The following EXOC2 variants were observed in gnomAD, a reference collection of about 807,000 sequenced individuals.
EXOC2 encodes the protein SEC5-like 1.
Under a neutral mutation model 131.8 loss-of-function variants are expected in EXOC2, and 70 were observed. That is an observed-to-expected ratio of 0.53 (90% CI 0.44 to 0.65). The LOEUF (loss-of-function observed/expected upper bound fraction) is 0.65, where lower values mean the gene tolerates loss of function less well. Among genes scored for constraint, EXOC2 ranks in the 30% least tolerant of loss-of-function variants. The probability of loss-of-function intolerance (pLI) is 0.00; values close to 1 mark genes in which losing one functional copy is unlikely to be tolerated. For synonymous variants in EXOC2, 411 were observed against 398.4 expected, an observed-to-expected ratio of 1.03 and a Z score of -0.38; for missense variants, 923 against 1,108.6, an observed-to-expected ratio of 0.83 and a Z score of 2.38.
intron 1 of EXOC2, chr6:656,939 C>T (rs1417945291): frequency 6.6e-7 from 1 of 1,519,790 alleles, no homozygotes; most frequent in South Asian, 1.3e-5. Flanking sequence ...TGGCGCGAAA[C>T]TTCATGATGC....
At chr6:615,933 C>T (rs1150854) in intron 6 of EXOC2, among the ~76,000 whole-genome samples, 142,791 of 152,316 alleles carry the variant, frequency 0.94, 66,991 homozygotes, top group East Asian at 1. Flanking sequence ...CAATTATTGC[C>T]AATTTGGTTA....
chr6:690,550 AAAGT>A (rs1334736596), intron 1 of EXOC2, among the ~76,000 whole-genome samples: 2 of 151,894 alleles, frequency 1.3e-5, no homozygotes, highest in African/African-American at 4.8e-5. Flanking sequence ...AAAAATACAA[AAAGT>A]TAGTCGGGCG....
intron 6 of EXOC2, among the ~76,000 whole-genome samples, chr6:614,257 G>A (rs1760864192): frequency 6.6e-6 from 1 of 152,142 alleles, no homozygotes; most frequent in African/African-American, 2.4e-5. Flanking sequence ...CTGATCTGAG[G>A]GAATGAAGAT....
At chr6:591,899 T>C (rs1150842) in intron 11 of EXOC2, among the ~76,000 whole-genome samples, 13,623 of 152,260 alleles carry the variant, frequency 0.089, 1,043 homozygotes, top group African/African-American at 0.21. Flanking sequence ...CTGAGATGGC[T>C]AGTAAGCTAC....
chr6:682,777 T>G (rs562903359), intron 1 of EXOC2, among the ~76,000 whole-genome samples: 35 of 152,274 alleles, frequency 2.3e-4, no homozygotes, highest in Admixed American at 7.2e-4. Flanking sequence ...TCTCCGGGTG[T>G]GATGAAACTG....
At chr6:555,612 A>G (rs1757377418) in intron 19 of EXOC2, among the ~76,000 whole-genome samples, 1 of 152,204 alleles carries the variant, frequency 6.6e-6, no homozygotes. Flanking sequence ...GTGCCTGCAA[A>G]GCACTGGTCC....
intron 26 of EXOC2, among the ~76,000 whole-genome samples, chr6:489,486 C>A (rs1232278649): frequency 6.6e-6 from 1 of 152,130 alleles, no homozygotes; most frequent in Non-Finnish European, 1.5e-5. Context: ...CAGCCAATGT[C>A]TTGTAATAAT....
At chr6:679,980 G>GA (rs1163445609) in intron 1 of EXOC2, among the ~76,000 whole-genome samples, 2 of 151,984 alleles carry the variant, frequency 1.3e-5, no homozygotes, top group African/African-American at 4.8e-5. Flanking sequence ...AAAGAGGTGG[G>GA]ATTCAAAACC....
At chr6:503,624 T>C (rs1764354442) in intron 23 of EXOC2, among the ~76,000 whole-genome samples, 1 of 152,146 alleles carries the variant, frequency 6.6e-6, no homozygotes, top group African/African-American at 2.4e-5. Flanking sequence ...TTTAAAATAA[T>C]TTGTTATATG....
chr6:504,439 C>A (rs1276212759), intron 23 of EXOC2, among the ~76,000 whole-genome samples: 2 of 152,228 alleles, frequency 1.3e-5, no homozygotes, highest in African/African-American at 4.8e-5. Flanking sequence ...TTTTTGGTGA[C>A]AGAACCTTTT....
intron 11 of EXOC2, among the ~76,000 whole-genome samples, chr6:584,090 A>G (rs1759069226): frequency 6.6e-6 from 1 of 152,236 alleles, no homozygotes; most frequent in Non-Finnish European, 1.5e-5. Flanking sequence ...TTAAAATGAT[A>G]ATTTTATTAA....
At chr6:683,749 C>T (rs915045098) in intron 1 of EXOC2, among the ~76,000 whole-genome samples, 3 of 152,226 alleles carry the variant, frequency 2.0e-5, no homozygotes, top group African/African-American at 7.2e-5. Context: ...ACAAATTCTG[C>T]TTTCCTTCTC....
At chr6:624,433 T>C (rs916315957) in intron 4 of EXOC2, among the ~76,000 whole-genome samples, 9 of 152,270 alleles carry the variant, frequency 5.9e-5, no homozygotes, top group Non-Finnish European at 1.3e-4. Flanking sequence ...TAGCAGTTTC[T>C]GACACATGAT....
intron 1 of EXOC2, among the ~76,000 whole-genome samples, chr6:673,966 T>C (rs759601653): frequency 2.0e-5 from 3 of 152,108 alleles, no homozygotes; most frequent in African/African-American, 4.8e-5. Flanking sequence ...CAAGGCACAA[T>C]AAAGCGAACT....
At chr6:634,583 C>T (rs1762010703) in intron 2 of EXOC2, among the ~76,000 whole-genome samples, 1 of 152,008 alleles carries the variant, frequency 6.6e-6, no homozygotes, top group Admixed American at 6.6e-5. Flanking sequence ...GAATGTTAAA[C>T]CATAAAGGAA....
At chr6:605,077 A>G (rs1292052469) in intron 7 of EXOC2, among the ~76,000 whole-genome samples, 1 of 152,200 alleles carries the variant, frequency 6.6e-6, no homozygotes, top group Non-Finnish European at 1.5e-5. Context: ...TCCCTAGGAT[A>G]AAACAAACAT....
rs73719470 is a variant in EXOC2, at chr6:523,873, C to G, written c.2380+8596G>C. Among the ~76,000 whole-genome samples the G allele has an allele frequency of 2.8e-3, 427 of 152,290 alleles. 3 individuals carry two copies. The highest frequency in any genetic ancestry group is 9.8e-3 in the African/African-American group (406 of 41,556). On this transcript the variant is annotated intron_variant, in intron 23 of 27. Coordinates refer to ENST00000230449, the MANE Select transcript of EXOC2 (RefSeq NM_018303.6). ...AAAATGTACAATGGGGAATGGAAAACTACCTCTATTTTCCGCTGAATTGAT... is the reference window on the plus strand; with the variant it reads ...AAAATGTACAATGGGGAATGGAAAAGTACCTCTATTTTCCGCTGAATTGAT...
intron 1 of EXOC2, among the ~76,000 whole-genome samples, chr6:675,852 C>G (rs5020047): frequency 7.1e-5 from 3 of 42,148 alleles, no homozygotes; most frequent in South Asian, 1.0e-3. Flanking sequence ...GAAAGGACAG[C>G]TTTCTCTGGA....
chr6:573,533 G>A (rs1463242952), intron 12 of EXOC2, among the ~76,000 whole-genome samples: 1 of 152,096 alleles, frequency 6.6e-6, no homozygotes, highest in East Asian at 1.9e-4. Flanking sequence ...GGGGCAGGTG[G>A]ACTCCCATGA....
Sources: gnomAD v4.1 joint callset for allele counts (sites outside exome capture counted in the v4.1 genomes callset) on GRCh38, gnomAD v4.1.1 for gene constraint, MANE v1.5 for transcripts, NCBI Gene and HGNC (gene_info 2026-07-23, HGNC 2026-07-21) for gene names.